Variants in TULP4 observed in about 807,000 individuals in gnomAD.
The protein encoded by TULP4 is tubby-related protein 4.
TULP4 carries 16 observed loss-of-function variants against 129.0 expected under a neutral mutation model. The observed-to-expected ratio is 0.12, with a 90% CI of 0.08 to 0.19. The LOEUF (loss-of-function observed/expected upper bound fraction) is 0.19, where lower values mean the gene tolerates loss of function less well. TULP4 is among the 10% of genes least tolerant of loss of function. The pLI, the probability that TULP4 is intolerant of heterozygous loss-of-function variation, is 1.00. For synonymous variants in TULP4, 998 were observed against 854.0 expected (o/e 1.17, Z -2.94); for missense variants, 1,842 against 2,059.1 (o/e 0.89, Z 2.04).
chr6:158,295,571 G>T (rs760982131), intron 1 of TULP4, among the ~76,000 whole-genome samples: 5 of 150,334 alleles, frequency 3.3e-5, no homozygotes. Flanking sequence ...TGAACACCCC[G>T]TAACTACCAC....
chr6:158,418,103 T>G (rs1390874265), intron 2 of TULP4, among the ~76,000 whole-genome samples: 17 of 134,062 alleles, frequency 1.3e-4, no homozygotes, highest in Non-Finnish European at 2.3e-4. Context: ...GTGTGTGTTT[T>G]TTTTTTTTTT....
intron 1 of TULP4, among the ~76,000 whole-genome samples, chr6:158,361,575 TA>T (rs1780789392): frequency 6.6e-6 from 1 of 152,254 alleles, no homozygotes. Flanking sequence ...CCCTAGCTCA[TA>T]GCTTATTTCT....
At chr6:158,504,283 AC>A in intron 13 of TULP4, 105 bp downstream of exon 13, 1 of 892,470 alleles carries the variant, frequency 1.1e-6, no homozygotes, top group Non-Finnish European at 1.7e-6. Flanking sequence ...AATGTGGAAA[AC>A]AACGAACACC....
At chr6:158,263,150 CGTTT>C (rs1156711127) in intron 1 of TULP4, among the ~76,000 whole-genome samples, 1 of 152,152 alleles carries the variant, frequency 6.6e-6, no homozygotes, top group Non-Finnish European at 1.5e-5. Context: ...GACATAAGAT[CGTTT>C]GTTTAGCCTT....
At chr6:158,477,132 T>C (rs766900316) in intron 6 of TULP4, among the ~76,000 whole-genome samples, 6 of 152,164 alleles carry the variant, frequency 3.9e-5, no homozygotes, top group African/African-American at 7.2e-5. Context: ...ATTATATATA[T>C]AAAGGTAACA....
chr6:158,260,469 G>C (rs9356552), intron 1 of TULP4, among the ~76,000 whole-genome samples: 1 of 151,662 alleles, frequency 6.6e-6, no homozygotes, highest in Non-Finnish European at 1.5e-5. Flanking sequence ...CCAGCTACTC[G>C]GGAGGCTGAG....
intron 13 of TULP4, among the ~76,000 whole-genome samples, chr6:158,505,732 T>C (rs1265933726): frequency 6.6e-6 from 1 of 152,216 alleles, no homozygotes; most frequent in Non-Finnish European, 1.5e-5. Context: ...GCAGCGGTGT[T>C]GGACAGTGGT....
chr6:158,485,852 A>G (rs536779488), intron 8 of TULP4, among the ~76,000 whole-genome samples: 3 of 152,330 alleles, frequency 2.0e-5, no homozygotes, highest in African/African-American at 7.2e-5. Context: ...CCTTTTTGGA[A>G]TGGGAATGTC....
At chr6:158,391,962 G>A (rs916404303) in intron 1 of TULP4, among the ~76,000 whole-genome samples, 2 of 152,152 alleles carry the variant, frequency 1.3e-5, no homozygotes, top group African/African-American at 4.8e-5. Context: ...AATGTTAAAT[G>A]TTATGAAGTA....
intron 1 of TULP4, chr6:158,398,641 G>C (rs1777773618): frequency 6.6e-6 from 1 of 152,270 alleles, no homozygotes; most frequent in Non-Finnish European, 1.5e-5. Flanking sequence ...ACTTTCTGAG[G>C]TGGAGGAGGT....
Position 158,381,772 on chromosome 6 carries a change from A to G in TULP4, c.253-31293A>G, listed in dbSNP as rs371496470. 1.6e-4 allele frequency among the ~76,000 whole-genome samples: 24 copies of G among 152,306 alleles called. No individual in the cohort carries two copies. In the East Asian group the frequency reaches 4.4e-3, roughly 28 times the overall value. ...ATTCTTCAGTAATGACAATAGTTTC[A>G]TTTATTTTTCTAAAAGCTCAAATTA... On this transcript the variant is annotated intron_variant, in intron 1 of 13. Transcript: ENST00000367097.
At position 158,413,802 on chromosome 6, in the gene TULP4, C is replaced by T. The variant is rs1313459808; in HGVS notation, c.381+609C>T. Among the ~76,000 whole-genome samples, 1 of 152,214 alleles carries T rather than the reference C, an allele frequency of 6.6e-6. No individual in the cohort carries two copies. The highest frequency in any genetic ancestry group is 2.4e-5 in the African/African-American group (1 of 41,466). Reference sequence around the variant, plus strand: ...TGGTTTACAGGACGGCTTCATGGTGCACCTTTTGTATGGGTTTAAGGACAC... The same window carrying T: ...TGGTTTACAGGACGGCTTCATGGTGTACCTTTTGTATGGGTTTAAGGACAC... On this transcript the variant is annotated intron_variant, in intron 2 of 13. Transcript: ENST00000367097. The surrounding 1 kb of genome is among the most constrained non-coding windows in gnomAD (Gnocchi z 4.9).
At chr6:158,416,696 T>C (rs1160742932) in intron 2 of TULP4, among the ~76,000 whole-genome samples, 2 of 152,212 alleles carry the variant, frequency 1.3e-5, no homozygotes, top group African/African-American at 4.8e-5. Context: ...CCAGTGTTGA[T>C]AAAGTCTACA....
At chr6:158,252,483 C>T (rs1048509238) in intron 1 of TULP4, among the ~76,000 whole-genome samples, 3 of 152,252 alleles carry the variant, frequency 2.0e-5, no homozygotes, top group South Asian at 4.1e-4. Context: ...TCAAGCGATT[C>T]TCCTGTCTCA....
intron 3 of TULP4, among the ~76,000 whole-genome samples, chr6:158,441,512 A>G (rs1384560953): frequency 6.6e-6 from 1 of 152,204 alleles, no homozygotes; most frequent in East Asian, 1.9e-4. Flanking sequence ...GTTTAGCCAG[A>G]TGGTGAACTA....
chr6:158,258,356 G>A (rs1258574535), intron 1 of TULP4, among the ~76,000 whole-genome samples: 1 of 152,192 alleles, frequency 6.6e-6, no homozygotes, highest in Non-Finnish European at 1.5e-5. Flanking sequence ...AGTCTCTGCT[G>A]TTTGGTCCAG....
At chr6:158,458,926 C>T (rs1779354602) in intron 5 of TULP4, among the ~76,000 whole-genome samples, 1 of 152,200 alleles carries the variant, frequency 6.6e-6, no homozygotes, top group South Asian at 2.1e-4. Context: ...GCCTGTGTCC[C>T]TGGTCGCGGC....
intron 1 of TULP4, among the ~76,000 whole-genome samples, chr6:158,372,966 A>C (rs1230582181): frequency 8.5e-5 from 13 of 152,232 alleles, no homozygotes; most frequent in Non-Finnish European, 4.4e-5. Flanking sequence ...CAGTAATGGA[A>C]ACTTTTAGCA....
At chr6:158,434,580 A>G (rs1489772486) in intron 3 of TULP4, among the ~76,000 whole-genome samples, 2 of 152,178 alleles carry the variant, frequency 1.3e-5, no homozygotes, top group Non-Finnish European at 2.9e-5. Flanking sequence ...TTAGGAGAAT[A>G]CCTTGCCCCT....
Sources: allele counts gnomAD v4.1 joint callset (sites outside exome capture counted in the v4.1 genomes callset), GRCh38; gene constraint gnomAD v4.1.1; non-coding constraint Gnocchi (gnomAD v3.1); transcripts MANE v1.5; gene names NCBI Gene and HGNC (gene_info 2026-07-23, HGNC 2026-07-21).